Variants in C8orf34 observed in about 807,000 individuals in gnomAD.
C8orf34 encodes chromosome 8 open reading frame 34.
C8orf34 carries 65 observed loss-of-function variants against 68.3 expected under a neutral mutation model. The observed-to-expected ratio is 0.95, with a 90% CI of 0.78 to 1.17. The LOEUF is 1.17. C8orf34 is among the 50% of genes most tolerant of loss of function. The pLI is 0.00. For missense variants in C8orf34, 664 were observed against 655.4 expected, an observed-to-expected ratio of 1.01 and a Z score of -0.14; for synonymous variants, 244 against 241.2, an observed-to-expected ratio of 1.01 and a Z score of -0.11.
At chr8:68,330,942 C>A (rs1427554881), upstream of C8orf34, 7 of 1,218,686 alleles carry the variant, frequency 5.7e-6, no homozygotes, top group Non-Finnish European at 7.5e-6. Context: ...GAACCTCTGC[C>A]TCGAATTTCC....
At chr8:68,469,719 C>T (rs1812297952) in intron 4 of C8orf34, among the ~76,000 whole-genome samples, 1 of 151,902 alleles carries the variant, frequency 6.6e-6, no homozygotes, top group African/African-American at 2.4e-5. Flanking sequence ...CCATGGAATA[C>T]TACAGAATTT....
chr8:68,382,665 C>A (rs1470583641), intron 1 of C8orf34, among the ~76,000 whole-genome samples: 1 of 152,086 alleles, frequency 6.6e-6, no homozygotes, highest in East Asian at 1.9e-4. Flanking sequence ...TTCTTCCAGC[C>A]TCTTCAGGCC....
intron 12 of C8orf34, among the ~76,000 whole-genome samples, chr8:68,797,212 G>T (rs1000274737): frequency 2.0e-5 from 3 of 152,166 alleles, no homozygotes; most frequent in African/African-American, 7.2e-5. Context: ...GGAAGAAGAA[G>T]TGCTCTAAGC....
intron 11 of C8orf34, among the ~76,000 whole-genome samples, chr8:68,784,066 G>C (rs935503529): frequency 1.3e-5 from 2 of 152,092 alleles, no homozygotes; most frequent in African/African-American, 4.8e-5. Flanking sequence ...TCTGTACTGT[G>C]TGCAGCTTTC....
At chr8:68,727,907 C>T (rs1005752834) in intron 10 of C8orf34, among the ~76,000 whole-genome samples, 1 of 152,224 alleles carries the variant, frequency 6.6e-6, no homozygotes, top group Non-Finnish European at 1.5e-5. Context: ...AGTTCTCTGA[C>T]ATGGCCTGGA....
At chr8:68,743,770 C>A (rs975657596) in intron 10 of C8orf34, among the ~76,000 whole-genome samples, 3 of 152,224 alleles carry the variant, frequency 2.0e-5, no homozygotes, top group Non-Finnish European at 4.4e-5. Flanking sequence ...GCACAGCAGT[C>A]TGAGATCAAA....
chr8:68,502,532 A>T (rs1054607023), intron 5 of C8orf34, among the ~76,000 whole-genome samples: 8 of 152,162 alleles, frequency 5.3e-5, no homozygotes, highest in Non-Finnish European at 7.4e-5. Flanking sequence ...ACATGTTCAT[A>T]AAAAAAGCCA....
chr8:68,613,534 G>A lies in C8orf34; in HGVS notation c.1106-26842G>A, dbSNP rs191859791. On this transcript the variant is annotated intron_variant, in intron 7 of 13. Coordinates refer to ENST00000518698, the MANE Select transcript of C8orf34 (RefSeq NM_052958.4). ...AATTCCCATCTATGAGTGAGAACAT[G>A]CAGTGTTTGACTTTTTGTCCTTGTG... 3.5e-3 allele frequency among the ~76,000 whole-genome samples: 525 copies of A among 148,070 alleles called. 6 individuals are homozygous for A. The highest frequency in any genetic ancestry group is 0.013 in the African/African-American group (503 of 39,290).
chr8:68,440,424 A>G (rs954989146), intron 2 of C8orf34, among the ~76,000 whole-genome samples: 3 of 152,120 alleles, frequency 2.0e-5, no homozygotes, highest in Non-Finnish European at 4.4e-5. Flanking sequence ...CTTTGGCTGT[A>G]TCTCATATGA....
chr8:68,623,257 T>A (rs1394854219), intron 7 of C8orf34, among the ~76,000 whole-genome samples: 1 of 152,208 alleles, frequency 6.6e-6, no homozygotes, highest in African/African-American at 2.4e-5. Flanking sequence ...CCTATGTATT[T>A]TATTCGTATA....
In C8orf34 at chr8:68,774,327, GTGTGTATA is replaced by G. The variant is rs772963563; in HGVS notation, c.1405-2070_1405-2063del. On this transcript the variant is annotated intron_variant, in intron 10 of 13. Coordinates refer to ENST00000518698, the MANE Select transcript of C8orf34 (RefSeq NM_052958.4). ...TATCTATGTATAAAAATATGGGTGT[GTGTGTATA>G]TATATATATATATAAAATAAACAAA... Among the ~76,000 whole-genome samples the G allele has an allele frequency of 1.7e-4, 16 of 96,104 alleles. 1 individual carries two copies. The highest frequency in any genetic ancestry group is 5.6e-4 in the South Asian group (2 of 3,548). 63.0% of individuals were successfully genotyped at this position (96,104 alleles called of 152,430 possible).
intron 3 of C8orf34, among the ~76,000 whole-genome samples, chr8:68,462,536 T>G (rs1339005510): frequency 6.6e-6 from 1 of 151,758 alleles, no homozygotes; most frequent in East Asian, 1.9e-4. Flanking sequence ...ACCACATAGT[T>G]GGAAGTAAAG....
At chr8:68,565,915 A>C in intron 7 of C8orf34, among the ~76,000 whole-genome samples, 1 of 150,250 alleles carries the variant, frequency 6.7e-6, no homozygotes, top group South Asian at 2.1e-4. Flanking sequence ...ATCATTTAAG[A>C]AACAGGAATC....
chr8:68,434,265 C>T (rs185216288), intron 1 of C8orf34, among the ~76,000 whole-genome samples: 1 of 152,286 alleles, frequency 6.6e-6, no homozygotes, highest in Non-Finnish European at 1.5e-5. Context: ...GCATAGCATA[C>T]ATTAGGTATT....
chr8:68,437,330 C>G (rs1810707179), intron 1 of C8orf34, among the ~76,000 whole-genome samples: 1 of 151,988 alleles, frequency 6.6e-6, no homozygotes, highest in South Asian at 2.1e-4. Flanking sequence ...AAAACAAAAC[C>G]ATGAGATTTT....
rs912090394 is a variant in C8orf34 at position 68,721,365 on chromosome 8, C to T, written c.1332C>T (p.Ser444=). The stretch of plus-strand genomic sequence containing the variant: ...ATTTTTTAAAAATAAAAATAGATTC[C>T]TTGCCTGGGACTGAAGAAGCACTAA... ...PDEKIPDSFD[S]LPGTEEALME... Residue 444 remains serine (S), a synonymous_variant, in exon 10 of 14, where the codon TCC becomes TCT. Coordinates refer to ENST00000518698, the MANE Select transcript of C8orf34 (RefSeq NM_052958.4). The T allele has an allele frequency of 5.0e-6, 8 of 1,601,248 alleles. No individual in the cohort carries two copies. Among genetic ancestry groups the T allele is most frequent in the Non-Finnish European group, 6.8e-6 (8 of 1,171,302 alleles).
At chr8:68,570,490 T>C (rs967181747) in intron 7 of C8orf34, among the ~76,000 whole-genome samples, 5 of 152,204 alleles carry the variant, frequency 3.3e-5, no homozygotes, top group African/African-American at 4.8e-5. Context: ...TAAAACATTG[T>C]AAACCAATCT....
chr8:68,527,106 C>G (rs963122350), intron 6 of C8orf34, among the ~76,000 whole-genome samples: 1 of 152,162 alleles, frequency 6.6e-6, no homozygotes, highest in Non-Finnish European at 1.5e-5. Context: ...TCTCATCAGG[C>G]CTCTTTTTGT....
intron 11 of C8orf34, among the ~76,000 whole-genome samples, chr8:68,777,581 G>T (rs574869542): frequency 6.6e-6 from 1 of 152,276 alleles, no homozygotes; most frequent in East Asian, 1.9e-4. Flanking sequence ...GGGCTTGTAA[G>T]AAATACAAAA....
Sources: gnomAD v4.1 joint callset for allele counts (sites outside exome capture counted in the v4.1 genomes callset) on GRCh38, gnomAD v4.1.1 for gene constraint, MANE v1.5 for transcripts, NCBI Gene and HGNC (gene_info 2026-07-23, HGNC 2026-07-21) for gene names.